The following VPS13B variants were observed in gnomAD, a reference collection of about 807,000 sequenced individuals.
The protein encoded by VPS13B is vacuolar protein sorting 13 homolog B, also known as intermembrane lipid transfer protein VPS13B.
In VPS13B, 285 loss-of-function variants were observed where a neutral mutation model predicts 426.4. The observed-to-expected ratio is 0.67, with a 90% CI of 0.61 to 0.74. The LOEUF is 0.74. VPS13B is among the 30% of genes least tolerant of loss of function. The pLI is 0.00. For synonymous variants in VPS13B, 1,676 were observed against 1,676.4 expected (o/e 1.00, Z 0.01); for missense variants, 4,537 against 4,782.6 (o/e 0.95, Z 1.51).
rs201566966 is a variant in VPS13B, at chr8:99,875,868, T to A, written c.*202T>A. 1,053 of 637,250 alleles carry A rather than the reference T, an allele frequency of 1.7e-3. 4 individuals carry two copies. The highest frequency in any genetic ancestry group is 4.2e-3 in the South Asian group (217 of 51,434). The allele number at this position is 637,250 out of a possible 1,614,324, so 39.5% of individuals were successfully genotyped here. The stretch of plus-strand genomic sequence containing the variant: ...GCCACCATAAAGGGCTGCATTTTTT[T>A]AAAAAGCCTAGGCAGCTCTAACATC... On this transcript the variant is annotated 3_prime_UTR_variant, in exon 62 of 62. Transcript: ENST00000357162.
intron 13 of VPS13B, among the ~76,000 whole-genome samples, chr8:99,145,921 G>A (rs1253051438): frequency 6.6e-6 from 1 of 152,142 alleles, no homozygotes; most frequent in Non-Finnish European, 1.5e-5. Flanking sequence ...ACCATCCAAC[G>A]ATGACTGTGT....
At chr8:99,460,256 A>G (rs747977506) in intron 23 of VPS13B, among the ~76,000 whole-genome samples, 11 of 151,978 alleles carry the variant, frequency 7.2e-5, no homozygotes, top group Non-Finnish European at 1.5e-4. Context: ...TGTACTATGT[A>G]TATTTTCAAT....
intron 25 of VPS13B, among the ~76,000 whole-genome samples, chr8:99,491,999 C>G (rs1820632002): frequency 6.6e-6 from 1 of 152,220 alleles, no homozygotes; most frequent in African/African-American, 2.4e-5. Context: ...CTTTGTGGTT[C>G]TATCTACCTT....
intron 42 of VPS13B, among the ~76,000 whole-genome samples, chr8:99,783,039 A>G (rs1352552083): frequency 1.3e-5 from 2 of 152,144 alleles, no homozygotes; most frequent in Non-Finnish European, 2.9e-5. Flanking sequence ...CACCTGCAGC[A>G]TAGAGCCTGC....
At position 99,332,430 on chromosome 8, in the gene VPS13B, TA is replaced by T. The variant is rs1331764024; in HGVS notation, c.2825-51776del. On this transcript the variant is annotated intron_variant, in intron 19 of 61. Transcript: ENST00000357162. ...CACTTTATGCAAGTAAGAGAACAGT[TA>T]ATTTTTTTTTGTTCAATCAGTTCAA... Among the ~76,000 whole-genome samples, 72 of 151,826 alleles carry T rather than the reference TA, an allele frequency of 4.7e-4. 1 individual carries two copies. The highest frequency in any genetic ancestry group is 1.6e-3 in the African/African-American group (68 of 41,514).
At chr8:99,539,837 A>G (rs983399954) in intron 30 of VPS13B, among the ~76,000 whole-genome samples, 1 of 150,926 alleles carries the variant, frequency 6.6e-6, no homozygotes, top group East Asian at 1.9e-4. Context: ...TTGGAAGTAT[A>G]TTCTGTTTCT....
intron 19 of VPS13B, among the ~76,000 whole-genome samples, chr8:99,299,137 C>T (rs1302350587): frequency 4.3e-5 from 6 of 139,978 alleles, no homozygotes; most frequent in African/African-American, 1.3e-4. Context: ...TCTTGGCTCA[C>T]TGCAACCTCA....
At position 99,156,710 on chromosome 8, in the gene VPS13B, G is replaced by C; in HGVS notation, c.2175G>C (p.Leu725=). 2 of 1,613,964 alleles carry C rather than the reference G, an allele frequency of 1.2e-6. No individual in the cohort carries two copies. The highest frequency in any genetic ancestry group is 1.7e-6 in the Non-Finnish European group (2 of 1,179,890). ...VSSLTQPSDN[L]LHYCYVHCYL... is the part of the protein sequence containing the mutation. ...GCCTTACTCAACCTTCTGATAACCT[G>C]CTTCATTATTGTTATGTACACTGCT... Residue 725 remains leucine (L), a synonymous_variant, in exon 15 of 62, where the codon CTG becomes CTC. Coordinates refer to ENST00000357162, the MANE Select transcript of VPS13B (RefSeq NM_152564.5).
intron 55 of VPS13B, among the ~76,000 whole-genome samples, chr8:99,851,616 A>G (rs1816299895): frequency 6.6e-6 from 1 of 152,098 alleles, no homozygotes. Context: ...CTGAAGGAAG[A>G]ACTTCCCAGG....
intron 3 of VPS13B, among the ~76,000 whole-genome samples, chr8:99,053,770 C>T (rs1056604627): frequency 1.3e-4 from 19 of 148,708 alleles, no homozygotes; most frequent in African/African-American, 4.5e-4. Flanking sequence ...CGGTACAGTT[C>T]CAGTTCACTT....
At chr8:99,790,144 A>T (rs1045515245) in intron 43 of VPS13B, among the ~76,000 whole-genome samples, 1 of 152,062 alleles carries the variant, frequency 6.6e-6, no homozygotes, top group Non-Finnish European at 1.5e-5. Flanking sequence ...GTTTTTCTCA[A>T]TTGTTCTCTT....
At chr8:99,702,361 C>T (rs745480644) in intron 36 of VPS13B, among the ~76,000 whole-genome samples, 45 of 152,142 alleles carry the variant, frequency 3.0e-4, no homozygotes, top group Admixed American at 5.2e-4. Context: ...TGACCATCTG[C>T]AGCAGCTGCA....
chr8:99,373,332 A>C (rs1813293804), intron 19 of VPS13B, among the ~76,000 whole-genome samples: 1 of 152,120 alleles, frequency 6.6e-6, no homozygotes, highest in South Asian at 2.1e-4. Context: ...TAAAATTAAA[A>C]AAAAAAAAAG....
intron 37 of VPS13B, among the ~76,000 whole-genome samples, chr8:99,718,261 A>G (rs1287125352): frequency 6.6e-6 from 1 of 151,762 alleles, no homozygotes; most frequent in Non-Finnish European, 1.5e-5. Flanking sequence ...TTTTTTTTTC[A>G]GTAGAGATGA....
intron 17 of VPS13B, among the ~76,000 whole-genome samples, chr8:99,270,288 G>A (rs1818519509): frequency 1.3e-5 from 2 of 150,950 alleles, no homozygotes; most frequent in South Asian, 4.2e-4. Context: ...ACAGGTGCTT[G>A]CCACCATGCT....
chr8:99,611,209 A>C (rs940373905), intron 33 of VPS13B, among the ~76,000 whole-genome samples: 5 of 152,204 alleles, frequency 3.3e-5, no homozygotes, highest in African/African-American at 1.2e-4. Flanking sequence ...TGAATGAATT[A>C]GCTATATAAA....
intron 21 of VPS13B, among the ~76,000 whole-genome samples, chr8:99,428,593 C>G (rs1195861919): frequency 2.0e-5 from 3 of 152,208 alleles, no homozygotes; most frequent in Admixed American, 2.0e-4. Context: ...GATACCATCT[C>G]ACACCAGTTA....
At chr8:99,374,756 T>A (rs1441351961) in intron 19 of VPS13B, among the ~76,000 whole-genome samples, 1 of 152,194 alleles carries the variant, frequency 6.6e-6, no homozygotes, top group Non-Finnish European at 1.5e-5. Context: ...CTTTTAAAAT[T>A]TATATTAAGT....
rs117707107 is a variant in VPS13B at position 99,833,350 on chromosome 8, A to G, written c.9614+698A>G. 4.4e-3 allele frequency among the ~76,000 whole-genome samples: 672 copies of G among 152,376 alleles called. 5 individuals are homozygous for G. Among genetic ancestry groups the G allele is most frequent in the Admixed American group, 7.2e-3 (111 of 15,312 alleles). ...GAATAACTTAGTATATATAACAGCT[A>G]CAAAAGAAAACATATTGTGCCCTTA... is the stretch of plus-strand genomic sequence containing the variant. On this transcript the variant is annotated intron_variant, in intron 52 of 61. Transcript: ENST00000357162.
Sources: gnomAD v4.1 joint callset for allele counts (sites outside exome capture counted in the v4.1 genomes callset) on GRCh38, gnomAD v4.1.1 for gene constraint, MANE v1.5 for transcripts, NCBI Gene and HGNC (gene_info 2026-07-23, HGNC 2026-07-21) for gene names.